The following IL1R1 variants were observed in gnomAD, a reference collection of about 807,000 sequenced individuals.
The protein encoded by IL1R1 is interleukin 1 receptor type 1, also known as interleukin-1 receptor type 1.
A neutral mutation model predicts 50.2 loss-of-function variants in IL1R1; 22 were observed. The ratio of observed to expected loss-of-function variants is 0.44; its 90% CI spans 0.31 to 0.63. The LOEUF is 0.63. IL1R1 is among the 20% of genes least tolerant of loss of function. The pLI is 0.07. For missense variants in IL1R1, 509 were observed against 676.2 expected (o/e 0.75, Z 2.74); for synonymous variants, 251 against 236.7 (o/e 1.06, Z -0.55).
intron 3 of IL1R1, among the ~76,000 whole-genome samples, chr2:102,160,376 A>G (rs760214959): frequency 2.0e-5 from 3 of 151,794 alleles, no homozygotes; most frequent in Non-Finnish European, 4.4e-5. Context: ...TTTCTATTTC[A>G]TTGATTTCCT....
upstream of IL1R1, among the ~76,000 whole-genome samples, chr2:102,137,880 G>C (rs1559481521): frequency 1.3e-5 from 2 of 152,172 alleles, no homozygotes; most frequent in South Asian, 4.1e-4. Context: ...AGGTTGAAAG[G>C]CTCCAACACA....
intron 9 of IL1R1, among the ~76,000 whole-genome samples, chr2:102,174,035 G>A (rs1391867743): frequency 2.6e-5 from 4 of 152,148 alleles, no homozygotes; most frequent in Admixed American, 6.5e-5. Flanking sequence ...CTTTTACATG[G>A]TTCCTGATAT....
chr2:102,140,114 G>A (rs892237734), upstream of IL1R1, among the ~76,000 whole-genome samples: 3 of 152,120 alleles, frequency 2.0e-5, no homozygotes, highest in Non-Finnish European at 4.4e-5. Context: ...TCTGTACTCC[G>A]TGGTTTATGA....
chr2:102,159,619 G>A (rs1684517615), intron 3 of IL1R1, among the ~76,000 whole-genome samples: 1 of 152,290 alleles, frequency 6.6e-6, no homozygotes, highest in Admixed American at 6.5e-5. Flanking sequence ...TTAACACTGA[G>A]TTTTTCCAGC....
intron 1 of IL1R1, among the ~76,000 whole-genome samples, chr2:102,145,582 A>C (rs552965681): frequency 2.2e-4 from 34 of 152,328 alleles, no homozygotes; most frequent in African/African-American, 8.2e-4. Context: ...ACGAGCGGAC[A>C]GGGGGTCTCA....
At chr2:102,144,193 C>T (rs1017638632) in intron 1 of IL1R1, among the ~76,000 whole-genome samples, 1 of 152,062 alleles carries the variant, frequency 6.6e-6, no homozygotes, top group African/African-American at 2.4e-5. Context: ...TATTCATATC[C>T]GATGTTAACG....
At chr2:102,118,678 C>G (rs758261823) in intron 1 of IL1R1, among the ~76,000 whole-genome samples, 1 of 152,124 alleles carries the variant, frequency 6.6e-6, no homozygotes, top group East Asian at 1.9e-4. Flanking sequence ...TCCTTGACAT[C>G]GCTTCAATCC....
At chr2:102,118,323 C>T (rs1191123061) in intron 1 of IL1R1, among the ~76,000 whole-genome samples, 3 of 152,320 alleles carry the variant, frequency 2.0e-5, no homozygotes, top group East Asian at 3.9e-4. Context: ...AAGCGCACTT[C>T]CCCTCCCATA....
intron 1 of IL1R1, among the ~76,000 whole-genome samples, chr2:102,090,134 T>C (rs1227726687): frequency 2.0e-5 from 3 of 151,430 alleles, no homozygotes; most frequent in Non-Finnish European, 4.4e-5. Flanking sequence ...GCGCCCAGCC[T>C]ATCCTTTTTT....
At chr2:102,114,067 T>C (rs558452571) in intron 1 of IL1R1, among the ~76,000 whole-genome samples, 49 of 152,346 alleles carry the variant, frequency 3.2e-4, no homozygotes, top group Middle Eastern at 3.4e-3. Flanking sequence ...ATTTGGGCAC[T>C]GGTTTTTGAG....
chr2:102,133,176 G>A (rs562653207), intron 1 of IL1R1, among the ~76,000 whole-genome samples: 78 of 149,414 alleles, frequency 5.2e-4, no homozygotes, highest in African/African-American at 1.7e-3. Flanking sequence ...CCCAGGAGGC[G>A]GAGCTTGCAG....
intron 7 of IL1R1, among the ~76,000 whole-genome samples, chr2:102,171,334 AAT>A (rs1204830524): frequency 6.6e-6 from 1 of 152,182 alleles, no homozygotes; most frequent in African/African-American, 2.4e-5. Flanking sequence ...TAGCTTTTAA[AAT>A]ATGTTTCTTT....
At chr2:102,152,567 T>G (rs1683778921) in intron 1 of IL1R1, among the ~76,000 whole-genome samples, 1 of 133,658 alleles carries the variant, frequency 7.5e-6, no homozygotes, top group African/African-American at 2.8e-5. Flanking sequence ...TCACCTTCTC[T>G]GCAAGAAGCT....
At chr2:102,100,837 G>C (rs570509005), upstream of IL1R1, among the ~76,000 whole-genome samples, 2 of 152,310 alleles carry the variant, frequency 1.3e-5, no homozygotes, top group Admixed American at 1.3e-4. Flanking sequence ...TTGATAGAAA[G>C]CTGGACACAG....
At chr2:102,107,100 T>G (rs1345454155) in intron 1 of IL1R1, among the ~76,000 whole-genome samples, 5 of 152,222 alleles carry the variant, frequency 3.3e-5, no homozygotes, top group Admixed American at 6.5e-5. Context: ...AATTAATTTA[T>G]GTGCCCACCA....
chr2:102,138,573 T>C (rs1472676132), upstream of IL1R1, among the ~76,000 whole-genome samples: 1 of 152,188 alleles, frequency 6.6e-6, no homozygotes, highest in African/African-American at 2.4e-5. Context: ...AAGATAATCA[T>C]AGTAGCCCAC....
At chr2:102,126,981 T>C (rs1681746948) in intron 1 of IL1R1, among the ~76,000 whole-genome samples, 1 of 152,214 alleles carries the variant, frequency 6.6e-6, no homozygotes. Flanking sequence ...GAGGCCCCCT[T>C]GTCAGCCTAG....
intron 1 of IL1R1, among the ~76,000 whole-genome samples, chr2:102,094,957 A>G (rs2104321427): frequency 6.6e-6 from 1 of 152,326 alleles, no homozygotes; most frequent in African/African-American, 2.4e-5. Context: ...AGAGTGACGA[A>G]TTACAAAGGG....
chr2:102,126,238 G>C (rs545716905), intron 1 of IL1R1, among the ~76,000 whole-genome samples: 3 of 152,286 alleles, frequency 2.0e-5, no homozygotes, highest in Admixed American at 6.5e-5. Flanking sequence ...ACACGACTGA[G>C]CTAGAAGACA....
Sources: gnomAD v4.1 joint callset for allele counts (sites outside exome capture counted in the v4.1 genomes callset) on GRCh38, gnomAD v4.1.1 for gene constraint, MANE v1.5 for transcripts, NCBI Gene and HGNC (gene_info 2026-07-23, HGNC 2026-07-21) for gene names.